The following SLMAP variants were observed in gnomAD, a reference collection of about 807,000 sequenced individuals.
SLMAP encodes sarcolemma associated protein.
SLMAP carries 44 observed loss-of-function variants against 128.8 expected under a neutral mutation model. That is an observed-to-expected ratio of 0.34 (90% CI 0.27 to 0.44). SLMAP has a LOEUF of 0.44. Ranked by LOEUF, SLMAP falls within the 20% of genes least tolerant of loss-of-function variation. SLMAP has a pLI of 1.00. For synonymous variants in SLMAP, 327 were observed against 348.8 expected, an observed-to-expected ratio of 0.94 and a Z score of 0.70; for missense variants, 787 against 985.3, an observed-to-expected ratio of 0.80 and a Z score of 2.69.
rs1198787362 is a variant in SLMAP at position 57,929,332 on chromosome 3, C to G, written c.*2043C>G. On this transcript the variant is annotated 3_prime_UTR_variant, in exon 25 of 25. Coordinates refer to ENST00000671191, the MANE Select transcript of SLMAP (RefSeq NM_001377540.1). Reference sequence around the variant, plus strand: ...GCTGTTTCCTCCAAGTTTTATTAACCTTTTATTTAACTTACTGCTTTATTT... The same window carrying G: ...GCTGTTTCCTCCAAGTTTTATTAACGTTTTATTTAACTTACTGCTTTATTT... 6.6e-6 allele frequency among the ~76,000 whole-genome samples: 1 copy of G among 152,088 alleles called. No individual in the cohort carries two copies. Among genetic ancestry groups the G allele is most frequent in the African/African-American group, 2.4e-5 (1 of 41,430 alleles).
intron 21 of SLMAP, among the ~76,000 whole-genome samples, chr3:57,915,995 AAAAAT>A (rs1436529245): frequency 1.3e-5 from 2 of 152,090 alleles, no homozygotes; most frequent in Non-Finnish European, 2.9e-5. Flanking sequence ...CGTCACTACT[AAAAAT>A]ATAAAATGAG....
At chr3:57,913,681 G>A (rs2096747528) in intron 21 of SLMAP, among the ~76,000 whole-genome samples, 1 of 152,172 alleles carries the variant, frequency 6.6e-6, no homozygotes. Context: ...GTAAGGCTGG[G>A]CGTGGTGGTT....
At chr3:57,886,947 C>T (rs763791725) in intron 14 of SLMAP, among the ~76,000 whole-genome samples, 1 of 151,876 alleles carries the variant, frequency 6.6e-6, no homozygotes, top group Non-Finnish European at 1.5e-5. Context: ...GGAATAAATG[C>T]TTAATGGGTA....
At chr3:57,785,013 GAGAT>G (rs1411506511) in intron 2 of SLMAP, among the ~76,000 whole-genome samples, 1 of 152,090 alleles carries the variant, frequency 6.6e-6, no homozygotes, top group Non-Finnish European at 1.5e-5. Context: ...TCAGAACTGT[GAGAT>G]AGATAGATTT....
intron 2 of SLMAP, among the ~76,000 whole-genome samples, chr3:57,787,714 G>T (rs947139134): frequency 6.6e-6 from 1 of 152,174 alleles, no homozygotes; most frequent in African/African-American, 2.4e-5. Context: ...GACCTCAAGT[G>T]ATCTGCCCAC....
intron 2 of SLMAP, among the ~76,000 whole-genome samples, chr3:57,761,280 A>C (rs2078581983): frequency 6.6e-6 from 1 of 151,560 alleles, no homozygotes; most frequent in Admixed American, 6.6e-5. Flanking sequence ...ATATAGAATA[A>C]ATTTTGTTTT....
intron 3 of SLMAP, among the ~76,000 whole-genome samples, chr3:57,839,434 ATTTTTTTTTTTTT>A (rs1189313640): frequency 2.4e-5 from 2 of 82,866 alleles, no homozygotes; most frequent in African/African-American, 1.0e-4. Flanking sequence ...CATTAGCTCT[ATTTTTTTTTTTTT>A]TTTTTTTTTT....
intron 2 of SLMAP, among the ~76,000 whole-genome samples, chr3:57,780,867 T>G (rs2082894505): frequency 6.6e-6 from 1 of 151,982 alleles, no homozygotes; most frequent in Admixed American, 6.6e-5. Flanking sequence ...GGTCTTGAAC[T>G]CCTGAGCTCA....
Position 57,849,779 on chromosome 3 carries a change from A to C in SLMAP, c.482A>C (p.Tyr161Ser), listed in dbSNP as rs149818070. 16 of 1,576,234 alleles carry C rather than the reference A, an allele frequency of 1.0e-5. No individual in the cohort carries two copies. Among genetic ancestry groups the C allele is most frequent in the Non-Finnish European group, 1.4e-5 (16 of 1,145,632 alleles). Reference protein sequence around the residue: ...DKVAANTPSMYSQELFQLSQY... With the variant: ...DKVAANTPSMSSQELFQLSQY... Reference sequence around the variant, plus strand: ...GTTGCTGCTAACACTCCAAGTATGTACTCTCAGGAACTATTCCAGCTTTCT... The same window carrying C: ...GTTGCTGCTAACACTCCAAGTATGTCCTCTCAGGAACTATTCCAGCTTTCT... The change falls in exon 6 of 25, where the codon TAC becomes TCC. Residue 161 changes from tyrosine (Y) to serine (S), a missense_variant. Tyr to Ser is a moderately radical substitution (Grantham distance 144). This residue lies in a region of SLMAP where 715 missense variants were observed against 843.6 expected (regional missense o/e 0.85). Coordinates refer to ENST00000671191, the MANE Select transcript of SLMAP (RefSeq NM_001377540.1).
At chr3:57,885,071 A>T (rs1003284942) in intron 14 of SLMAP, among the ~76,000 whole-genome samples, 25 of 142,106 alleles carry the variant, frequency 1.8e-4, no homozygotes, top group Admixed American at 7.8e-4. Flanking sequence ...AGAAGCAGAA[A>T]TTTTTTTTTT....
intron 2 of SLMAP, among the ~76,000 whole-genome samples, chr3:57,781,660 A>G (rs968200822): frequency 6.7e-6 from 1 of 150,076 alleles, no homozygotes. Flanking sequence ...TTTTCATTGT[A>G]TTTACCATTT....
chr3:57,897,265 T>G (rs1353685080), intron 17 of SLMAP: 1 of 465,002 alleles, frequency 2.2e-6, no homozygotes, highest in Non-Finnish European at 3.3e-6. Context: ...AAATCTTAAC[T>G]TTCTTGAAAG....
At position 57,916,934 on chromosome 3, in the gene SLMAP, A is replaced by G. The variant is rs764100894; in HGVS notation, c.2167A>G (p.Ser723Gly). ...TCAGAAGCAGAGTTTAGAGCTTACC[A>G]GTGATCTCAGCATCCTTCAAATGTC... ...NSQKQSLELTSDLSILQMSRK... is the reference protein window; with the variant it reads ...NSQKQSLELTGDLSILQMSRK... Residue 723 changes from serine to glycine, a missense_variant, in exon 22 of 25, where the codon AGT (serine) becomes GGT (glycine). Coordinates refer to ENST00000671191, the MANE Select transcript of SLMAP (RefSeq NM_001377540.1). The G allele has an allele frequency of 2.9e-5, 46 of 1,613,792 alleles. No individual in the cohort carries two copies. Among genetic ancestry groups the G allele is most frequent in the Middle Eastern group, 1.6e-4 (1 of 6,078 alleles).
At chr3:57,906,300 C>CTTTTTTTTCTTT (rs2096541411) in intron 17 of SLMAP, among the ~76,000 whole-genome samples, 3 of 71,268 alleles carry the variant, frequency 4.2e-5, no homozygotes, top group Admixed American at 1.9e-4. Context: ...AAATTTTTTT[C>CTTTTTTTTCTTT]TTTTTTTTTC....
intron 9 of SLMAP, among the ~76,000 whole-genome samples, 192 bp downstream of exon 9, chr3:57,861,031 A>G (rs558076789): frequency 1.3e-5 from 2 of 152,314 alleles, no homozygotes; most frequent in East Asian, 1.9e-4. Flanking sequence ...CTTACTCCCT[A>G]GTCAATGGCT....
chr3:57,838,229 C>T (rs1196389809), intron 3 of SLMAP, among the ~76,000 whole-genome samples: 1 of 152,192 alleles, frequency 6.6e-6, no homozygotes, highest in Non-Finnish European at 1.5e-5. Context: ...TATTATGCTC[C>T]TGTATTTATT....
chr3:57,884,236 T>C (rs7644486), intron 14 of SLMAP, among the ~76,000 whole-genome samples: 50,184 of 152,078 alleles, frequency 0.33, 8,896 homozygotes, highest in East Asian at 0.48. Context: ...GCTGATACTT[T>C]GTATTCTTGT....
chr3:57,853,982 T>TATATATATATTTACATATA lies in SLMAP; in HGVS notation c.520-3741_520-3740insTTACATATAATATATATAT, dbSNP rs1560254306. Among the ~76,000 whole-genome samples, 3 of 106,286 alleles carry TATATATATATTTACATATA rather than the reference T, an allele frequency of 2.8e-5. 1 individual carries two copies. The highest frequency in any genetic ancestry group is 1.2e-4 in the African/African-American group (3 of 26,036). The allele number at this position is 106,286 out of a possible 152,430, so 69.7% of individuals were successfully genotyped here. On this transcript the variant is annotated intron_variant, in intron 6 of 24. Coordinates refer to ENST00000671191, the MANE Select transcript of SLMAP (RefSeq NM_001377540.1). ...ATATATATATATATATATATATATA[T>TATATATATATTTACATATA]ATATATATATATATATATTTACATA...
chr3:57,829,042 C>T (rs540123797), intron 2 of SLMAP, among the ~76,000 whole-genome samples: 3 of 152,142 alleles, frequency 2.0e-5, no homozygotes, highest in Admixed American at 6.5e-5. Context: ...CTTGGCCTCC[C>T]GAAGTGCTGA....
Sources: allele counts gnomAD v4.1 joint callset (sites outside exome capture counted in the v4.1 genomes callset), GRCh38; gene constraint gnomAD v4.1.1; regional missense constraint gnomAD v4.1.1; transcripts MANE v1.5; gene names NCBI Gene and HGNC (gene_info 2026-07-23, HGNC 2026-07-21).